PDSS1: variants seen among roughly 807,000 people sequenced by gnomAD.
PDSS1 encodes all trans-polyprenyl-diphosphate synthase PDSS1.
A neutral mutation model predicts 57.5 loss-of-function variants in PDSS1; 43 were observed. The ratio of observed to expected loss-of-function variants is 0.75; its 90% CI spans 0.59 to 0.96. The LOEUF (loss-of-function observed/expected upper bound fraction) is 0.96. Ranked by LOEUF, PDSS1 falls within the 50% of genes least tolerant of loss-of-function variation. PDSS1 has a pLI of 0.00. For synonymous variants in PDSS1, 175 were observed against 191.3 expected (o/e 0.91, Z 0.70); for missense variants, 438 against 527.8 (o/e 0.83, Z 1.67).
At chr10:26,717,247 C>G (rs75222700) in intron 5 of PDSS1, among the ~76,000 whole-genome samples, 1 of 151,854 alleles carries the variant, frequency 6.6e-6, no homozygotes, top group East Asian at 1.9e-4. Context: ...TTTATTTATT[C>G]GGAGACAGAG....
chr10:26,705,436 C>A, intron 4 of PDSS1, 42 bp downstream of exon 4: 1 of 845,720 alleles, frequency 1.2e-6, no homozygotes, highest in Non-Finnish European at 1.9e-6. Context: ...TTTAGCTTAC[C>A]AAAACTTACT....
At chr10:26,745,692 C>G (rs1369416266) in intron 11 of PDSS1, among the ~76,000 whole-genome samples, 1 of 151,870 alleles carries the variant, frequency 6.6e-6, no homozygotes, top group Non-Finnish European at 1.5e-5. Flanking sequence ...ACTAAAAATA[C>G]AAAAATTAGC....
At chr10:26,701,236 A>T (rs1256938282) in intron 1 of PDSS1, among the ~76,000 whole-genome samples, 1 of 152,230 alleles carries the variant, frequency 6.6e-6, no homozygotes, top group Non-Finnish European at 1.5e-5. Context: ...CAGCCTGAAG[A>T]TGTGATAGAA....
chr10:26,704,778 T>C (rs1288144981), intron 3 of PDSS1, 37 bp downstream of exon 3: 1 of 1,075,628 alleles, frequency 9.3e-7, no homozygotes, highest in Non-Finnish European at 1.4e-6. Context: ...ACTAAAATTA[T>C]CCATTTTTAA....
chr10:26,731,638 C>T (rs758329320), intron 8 of PDSS1, among the ~76,000 whole-genome samples: 1 of 152,198 alleles, frequency 6.6e-6, no homozygotes, highest in Non-Finnish European at 1.5e-5. Context: ...AGCAGCTTTT[C>T]GGAACCTCTT....
chr10:26,707,224 G>A (rs1835262069), intron 4 of PDSS1, among the ~76,000 whole-genome samples: 1 of 152,120 alleles, frequency 6.6e-6, no homozygotes, highest in East Asian at 1.9e-4. Context: ...TTTCCTAGAA[G>A]GACATACACC....
At chr10:26,737,959 G>A (rs1479764606) in intron 10 of PDSS1, among the ~76,000 whole-genome samples, 5 of 152,156 alleles carry the variant, frequency 3.3e-5, no homozygotes, top group Non-Finnish European at 7.3e-5. Context: ...GTCCAAGCAG[G>A]AAGTGACTCT....
chr10:26,740,656 G>A, intron 10 of PDSS1: 1 of 456,764 alleles, frequency 2.2e-6, no homozygotes, highest in Non-Finnish European at 4.4e-6. Flanking sequence ...TTCACTGCCA[G>A]GGAAAAACTG....
Position 26,716,534 on chromosome 10 carries a change from A to G in PDSS1, c.468-3684A>G, listed in dbSNP as rs570646663. 2.0e-5 allele frequency among the ~76,000 whole-genome samples: 3 copies of G among 152,274 alleles called. No homozygotes were observed. In the South Asian group the frequency reaches 6.2e-4, roughly 32 times the overall value. On this transcript the variant is annotated intron_variant, in intron 5 of 11. Coordinates refer to ENST00000376215, the MANE Select transcript of PDSS1 (RefSeq NM_014317.5). ...TGGCAAAACCCCATCTCTACTAAAAATACAAAAATTATCTGGGCGTGGTGG... is the reference window on the plus strand; with the variant it reads ...TGGCAAAACCCCATCTCTACTAAAAGTACAAAAATTATCTGGGCGTGGTGG...
At chr10:26,698,095 T>TG (rs999617491) in intron 1 of PDSS1, among the ~76,000 whole-genome samples, 2 of 150,148 alleles carry the variant, frequency 1.3e-5, no homozygotes, top group South Asian at 4.4e-4. Flanking sequence ...GGGAGCGTTT[T>TG]GGGGGGTGGA....
At chr10:26,704,590 A>C (rs1835149787) in intron 2 of PDSS1, 87 bp from the exon 3 acceptor site, 2 of 747,216 alleles carry the variant, frequency 2.7e-6, no homozygotes, top group African/African-American at 1.7e-5. Flanking sequence ...TTAGAAGATA[A>C]AGATTATAAT....
chr10:26,744,934 TGGGTGGATCAC>T (rs1564439948), intron 11 of PDSS1, among the ~76,000 whole-genome samples: 1 of 151,506 alleles, frequency 6.6e-6, no homozygotes, highest in Non-Finnish European at 1.5e-5. Context: ...GAGGCCAAGG[TGGGTGGATCAC>T]TTGAGGTCAG....
chr10:26,730,077 T>C (rs1436763458), intron 8 of PDSS1, among the ~76,000 whole-genome samples: 1 of 151,712 alleles, frequency 6.6e-6, no homozygotes, highest in African/African-American at 2.4e-5. Context: ...CACGCCCGGC[T>C]AATTTTTTGT....
intron 8 of PDSS1, chr10:26,734,599 A>G: frequency 4.5e-6 from 2 of 443,850 alleles, no homozygotes; most frequent in South Asian, 1.6e-5. Context: ...CTTTTGAGAG[A>G]AATGTGGAAA....
At chr10:26,714,439 C>T (rs1277446834) in intron 5 of PDSS1, among the ~76,000 whole-genome samples, 1 of 148,778 alleles carries the variant, frequency 6.7e-6, no homozygotes, top group Non-Finnish European at 1.5e-5. Context: ...TGCGCCACTG[C>T]ACTCCAGCCT....
intron 8 of PDSS1, among the ~76,000 whole-genome samples, chr10:26,726,477 G>T (rs1400041043): frequency 6.6e-6 from 1 of 152,140 alleles, no homozygotes; most frequent in African/African-American, 2.4e-5. Flanking sequence ...CTATTTTTAC[G>T]TACTCTTGGT....
chr10:26,708,049 G>C (rs1188268501), intron 4 of PDSS1, among the ~76,000 whole-genome samples: 2 of 152,166 alleles, frequency 1.3e-5, no homozygotes, highest in Admixed American at 1.3e-4. Flanking sequence ...AGCTTACCTG[G>C]GTGACAGCAC....
rs181835941 is a variant in PDSS1 at position 26,721,339 on chromosome 10, C to T, written c.609+980C>T. On this transcript the variant is annotated intron_variant, in intron 6 of 11. Transcript: ENST00000376215. ...AGTTTGTGCAAACAACTACCCCACCCTCACCTCCTTTTCTCTCATAGATTT... is the reference window on the plus strand; with the variant it reads ...AGTTTGTGCAAACAACTACCCCACCTTCACCTCCTTTTCTCTCATAGATTT... 2.4e-4 allele frequency among the ~76,000 whole-genome samples: 37 copies of T among 151,664 alleles called. No homozygotes were observed. In the East Asian group the frequency reaches 4.5e-3, roughly 18 times the overall value.
At chr10:26,732,952 T>C (rs528552415) in intron 8 of PDSS1, among the ~76,000 whole-genome samples, 8 of 152,012 alleles carry the variant, frequency 5.3e-5, no homozygotes, top group Non-Finnish European at 1.0e-4. Flanking sequence ...CTACTAAAAA[T>C]ACAAAAATTA....
Sources: allele counts gnomAD v4.1 joint callset (sites outside exome capture counted in the v4.1 genomes callset), GRCh38; gene constraint gnomAD v4.1.1; transcripts MANE v1.5; gene names NCBI Gene and HGNC (gene_info 2026-07-23, HGNC 2026-07-21).